ZNF682: variants seen among roughly 807,000 people sequenced by gnomAD.
ZNF682 encodes zinc finger protein 682.
A neutral mutation model predicts 36.5 loss-of-function variants in ZNF682; 29 were observed. That is an observed-to-expected ratio of 0.80 (90% CI 0.59 to 1.08). The LOEUF (loss-of-function observed/expected upper bound fraction) is 1.08, where lower values mean the gene tolerates loss of function less well. ZNF682 is among the 50% of genes least tolerant of loss of function. The pLI is 0.00. For missense variants in ZNF682, 561 were observed against 579.7 expected (o/e 0.97, Z 0.33); for synonymous variants, 180 against 197.0 (o/e 0.91, Z 0.72).
chr19:20,032,493 A>G (rs1178185014), intron 1 of ZNF682, among the ~76,000 whole-genome samples: 1 of 152,174 alleles, frequency 6.6e-6, no homozygotes, highest in Non-Finnish European at 1.5e-5. Flanking sequence ...TTTGCCTGCA[A>G]TTTGGGGTTT....
intron 3 of ZNF682, among the ~76,000 whole-genome samples, chr19:19,998,122 C>T (rs745550833): frequency 6.6e-6 from 1 of 152,138 alleles, no homozygotes; most frequent in African/African-American, 2.4e-5. Context: ...ATACCTGCAC[C>T]GTACCCTGAG....
chr19:19,997,064 C>T (rs1450581181), exon 4 of ZNF682: 1 of 389,206 alleles, frequency 2.6e-6, no homozygotes, highest in Non-Finnish European at 4.5e-6. Context: ...AGGCATAAGA[C>T]AAGGAAAAAA....
At chr19:20,008,954 C>G (rs1412250674) in intron 3 of ZNF682, among the ~76,000 whole-genome samples, 2 of 152,098 alleles carry the variant, frequency 1.3e-5, no homozygotes, top group African/African-American at 4.8e-5. Flanking sequence ...CCTCTGAAAA[C>G]AACCTTAAAT....
intron 3 of ZNF682, among the ~76,000 whole-genome samples, chr19:19,997,505 ATCTTGGGTAG>A (rs2088135022): frequency 6.6e-6 from 1 of 152,214 alleles, no homozygotes; most frequent in South Asian, 2.1e-4. Flanking sequence ...CCCCAGAGGC[ATCTTGGGTAG>A]ATAAAGCTGA....
downstream of ZNF682, among the ~76,000 whole-genome samples, chr19:20,001,553 C>T (rs1010617968): frequency 6.6e-6 from 1 of 152,170 alleles, no homozygotes; most frequent in Non-Finnish European, 1.5e-5. Flanking sequence ...AGTCATGCTG[C>T]AGGGAATATT....
rs2088208167 is a variant in ZNF682 at position 20,005,723 on chromosome 19, A to C, written c.*282T>G. The C allele has an allele frequency of 5.0e-6, 2 of 396,958 alleles. No individual in the cohort carries two copies. The highest frequency in any genetic ancestry group is 8.2e-5 in the Admixed American group (2 of 24,356). 24.6% of individuals were successfully genotyped at this position (396,958 alleles called of 1,614,324 possible). A position where few individuals can be genotyped will look rare whatever the true frequency, so the allele number is the denominator to read the frequency against. On this transcript the variant is annotated 3_prime_UTR_variant, in exon 4 of 4. Transcript: ENST00000397165. ...TCCACAGATAAATGTAATGTGTATC[A>C]TTACACTTACATTGCTTTTATCTAG... is the stretch of plus-strand genomic sequence containing the variant.
intron 3 of ZNF682, among the ~76,000 whole-genome samples, chr19:20,022,083 T>C (rs1395213359): frequency 1.3e-5 from 2 of 151,080 alleles, no homozygotes; most frequent in African/African-American, 4.9e-5. Flanking sequence ...GGTGGGAGAA[T>C]TGCTTGAACC....
intron 3 of ZNF682, among the ~76,000 whole-genome samples, chr19:20,009,172 A>T (rs919906216): frequency 5.3e-4 from 81 of 152,228 alleles, no homozygotes; most frequent in African/African-American, 1.8e-3. Flanking sequence ...AGTTCCTTTG[A>T]AAGAACCAAA....
chr19:20,003,091 T>A (rs563958916), downstream of ZNF682, among the ~76,000 whole-genome samples: 1 of 142,218 alleles, frequency 7.0e-6, no homozygotes, highest in Non-Finnish European at 1.5e-5. Context: ...CTCGGGAGGC[T>A]GAGGCAGGAG....
chr19:20,032,106 T>C (rs1488162300), intron 1 of ZNF682, among the ~76,000 whole-genome samples: 1 of 152,202 alleles, frequency 6.6e-6, no homozygotes, highest in Non-Finnish European at 1.5e-5. Flanking sequence ...TTTTAATGTC[T>C]CTCTGAGCCT....
At chr19:20,017,486 TG>T (rs1262747341) in intron 3 of ZNF682, among the ~76,000 whole-genome samples, 1 of 152,098 alleles carries the variant, frequency 6.6e-6, no homozygotes, top group Non-Finnish European at 1.5e-5. Flanking sequence ...AATGGCAAAA[TG>T]GATCCATTTA....
rs2088209175 is a variant in ZNF682 at position 20,005,789 on chromosome 19, T to C, written c.*216A>G. ...GAGTAAGTTCATAGTAGTTATTAAA[T>C]GCTTTGCCACATTCTTTAAAATCAG... On this transcript the variant is annotated 3_prime_UTR_variant, in exon 4 of 4. Coordinates refer to ENST00000397165, the MANE Select transcript of ZNF682 (RefSeq NM_033196.3). 1 of 525,518 alleles carries C rather than the reference T, an allele frequency of 1.9e-6. No individual in the cohort carries two copies. Among genetic ancestry groups the C allele is most frequent in the Non-Finnish European group, 3.1e-6 (1 of 320,370 alleles). The allele number at this position is 525,518 out of a possible 1,614,324, so 32.6% of individuals were successfully genotyped here. A position where few individuals can be genotyped will look rare whatever the true frequency, so the allele number is the denominator to read the frequency against.
intron 3 of ZNF682, among the ~76,000 whole-genome samples, chr19:20,012,303 G>T (rs1039978348): frequency 4.6e-5 from 7 of 151,832 alleles, no homozygotes; most frequent in African/African-American, 1.7e-4. Context: ...AAATTTTTCT[G>T]AAAGATAAAC....
downstream of ZNF682, chr19:19,996,954 G>T: frequency 3.0e-6 from 1 of 334,280 alleles, no homozygotes; most frequent in Non-Finnish European, 5.4e-6. Flanking sequence ...GGCTATTTTT[G>T]TCTCCATATT....
rs774483295 is a variant in ZNF682, at chr19:20,006,180, G to A, written c.1322C>T (p.Thr441Ile). 7 of 1,612,938 alleles carry A rather than the reference G, an allele frequency of 4.3e-6. No individual in the cohort carries two copies. The highest frequency in any genetic ancestry group is 5.9e-6 in the Non-Finnish European group (7 of 1,179,196). The part of the protein sequence containing the change: ...GKAFNRCSHL[T>I]RHKKIHTAVK... ...GGCAGTATGAATTTTCTTATGTCTA[G>A]TAAGGTGTGAGCACCGATTAAAGGC... The change falls in exon 4 of 4, where the codon ACT becomes ATT. Residue 441 changes from threonine to isoleucine, a missense_variant. Coordinates refer to ENST00000397165, the MANE Select transcript of ZNF682 (RefSeq NM_033196.3).
At chr19:20,028,979 ATTT>A (rs10651551) in intron 1 of ZNF682, among the ~76,000 whole-genome samples, 1 of 138,778 alleles carries the variant, frequency 7.2e-6, no homozygotes. Flanking sequence ...TCTATCACTG[ATTT>A]TTTTTTTTTT....
chr19:19,996,058 C>A (rs574732342), downstream of ZNF682, among the ~76,000 whole-genome samples: 3 of 152,118 alleles, frequency 2.0e-5, no homozygotes, highest in Admixed American at 1.3e-4. Context: ...GATCAGAGAC[C>A]TTGGTTCATT....
intron 1 of ZNF682, among the ~76,000 whole-genome samples, chr19:20,028,682 A>G (rs544988772): frequency 6.6e-6 from 1 of 152,306 alleles, no homozygotes; most frequent in East Asian, 1.9e-4. Context: ...CCAAAATAAA[A>G]ACCACCAATC....
At chr19:19,997,528 T>C (rs764578525) in intron 3 of ZNF682, among the ~76,000 whole-genome samples, 1 of 152,148 alleles carries the variant, frequency 6.6e-6, no homozygotes, top group Admixed American at 6.5e-5. Flanking sequence ...AAAGCTGAGA[T>C]AGAGCGAAAT....
Sources: gnomAD v4.1 joint callset for allele counts (sites outside exome capture counted in the v4.1 genomes callset) on GRCh38, gnomAD v4.1.1 for gene constraint, MANE v1.5 for transcripts, NCBI Gene and HGNC (gene_info 2026-07-23, HGNC 2026-07-21) for gene names.